The following PRKG1 variants were observed in gnomAD, a reference collection of about 807,000 sequenced individuals.
PRKG1 encodes cGMP-dependent protein kinase 1.
In PRKG1, 35 loss-of-function variants were observed where a neutral mutation model predicts 88.1. That is an observed-to-expected ratio of 0.40 (90% CI 0.30 to 0.53). The LOEUF (loss-of-function observed/expected upper bound fraction) is 0.53, where lower values mean the gene tolerates loss of function less well. Among genes scored for constraint, PRKG1 ranks in the 20% least tolerant of loss-of-function variants. The pLI is 0.59. For missense variants in PRKG1, 540 were observed against 839.8 expected (o/e 0.64, Z 4.41); for synonymous variants, 303 against 292.5 (o/e 1.04, Z -0.37).
intron 7 of PRKG1, among the ~76,000 whole-genome samples, chr10:52,116,776 C>T (rs1422943497): frequency 2.0e-5 from 3 of 152,000 alleles, no homozygotes; most frequent in South Asian, 4.1e-4. Context: ...AGGTTATTTT[C>T]GTGTATTTAC....
chr10:51,735,126 G>A (rs1017557800), intron 3 of PRKG1, among the ~76,000 whole-genome samples: 1 of 152,176 alleles, frequency 6.6e-6, no homozygotes, highest in Non-Finnish European at 1.5e-5. Context: ...TCTGTTAGGG[G>A]ATGGAAATGG....
At chr10:51,999,242 C>A (rs1844532148) in intron 5 of PRKG1, among the ~76,000 whole-genome samples, 1 of 152,198 alleles carries the variant, frequency 6.6e-6, no homozygotes, top group African/African-American at 2.4e-5. Context: ...GTGTCTGCTT[C>A]CAAATACAAG....
intron 9 of PRKG1, among the ~76,000 whole-genome samples, chr10:52,166,793 A>ATATATATATATGTATATATATG (rs1489545159): frequency 3.6e-4 from 3 of 8,386 alleles, no homozygotes; most frequent in Non-Finnish European, 7.4e-4. Flanking sequence ...AAGCCTATAT[A>ATATATATATATGTATATATATG]TATACATATA....
chr10:51,769,790 A>G (rs1838256059), intron 3 of PRKG1, among the ~76,000 whole-genome samples: 1 of 152,208 alleles, frequency 6.6e-6, no homozygotes, highest in Admixed American at 6.6e-5. Flanking sequence ...CCACATTGGA[A>G]GAAGAATTGT....
At chr10:52,054,794 G>A (rs1276389993) in intron 6 of PRKG1, among the ~76,000 whole-genome samples, 1 of 152,062 alleles carries the variant, frequency 6.6e-6, no homozygotes, top group Non-Finnish European at 1.5e-5. Context: ...AGATGACACT[G>A]ATATATTTGT....
At chr10:52,133,707 C>A in intron 7 of PRKG1, 133 bp from the exon 8 acceptor site, 2 of 678,604 alleles carry the variant, frequency 2.9e-6, no homozygotes, top group South Asian at 2.6e-5. Context: ...GAAACATAAA[C>A]AAAGCTTAAG....
chr10:52,225,190 G>T (rs1840361587), intron 9 of PRKG1, among the ~76,000 whole-genome samples: 1 of 151,900 alleles, frequency 6.6e-6, no homozygotes, highest in Non-Finnish European at 1.5e-5. Flanking sequence ...CAGGAGTAAG[G>T]TGGTATTGCA....
At chr10:51,285,017 G>T (rs562960869) in intron 2 of PRKG1, among the ~76,000 whole-genome samples, 1 of 141,770 alleles carries the variant, frequency 7.1e-6, no homozygotes, top group African/African-American at 2.6e-5. Context: ...CTAGCATTAG[G>T]TATATCTCCC....
intron 5 of PRKG1, among the ~76,000 whole-genome samples, chr10:51,946,902 G>T (rs1589445441): frequency 6.6e-6 from 1 of 152,062 alleles, no homozygotes; most frequent in African/African-American, 2.4e-5. Context: ...GGCTGCTCAG[G>T]GGTCAGGGGT....
At chr10:51,936,428 G>A (rs927395357) in intron 5 of PRKG1, among the ~76,000 whole-genome samples, 8 of 152,022 alleles carry the variant, frequency 5.3e-5, no homozygotes, top group African/African-American at 1.9e-4. Context: ...GACAATTAAA[G>A]CTATGCCTGA....
intron 3 of PRKG1, among the ~76,000 whole-genome samples, chr10:51,718,909 GGCCTAA>G (rs141557584): frequency 0.082 from 12,434 of 152,038 alleles, 549 homozygotes; most frequent in South Asian, 0.091. Context: ...CACCTTGGGA[GGCCTAA>G]GCAGGAGAAT....
At chr10:51,190,331 T>C (rs1419069193) in intron 2 of PRKG1, among the ~76,000 whole-genome samples, 2 of 151,902 alleles carry the variant, frequency 1.3e-5, no homozygotes, top group African/African-American at 2.4e-5. Flanking sequence ...AGGTCTATAA[T>C]TGAGCAAACT....
intron 4 of PRKG1, among the ~76,000 whole-genome samples, chr10:51,807,308 C>A (rs563747035): frequency 2.0e-5 from 3 of 152,060 alleles, no homozygotes; most frequent in Non-Finnish European, 2.9e-5. Flanking sequence ...AATGTAGGAA[C>A]CTTGTAAGTG....
intron 3 of PRKG1, among the ~76,000 whole-genome samples, chr10:51,653,028 T>C (rs960798652): frequency 1.3e-5 from 2 of 152,224 alleles, no homozygotes; most frequent in Admixed American, 1.3e-4. Flanking sequence ...ATTCATGTTG[T>C]CACAAATGAC....
At chr10:51,209,011 A>G (rs1308273808) in intron 2 of PRKG1, among the ~76,000 whole-genome samples, 2 of 152,224 alleles carry the variant, frequency 1.3e-5, no homozygotes, top group African/African-American at 4.8e-5. Flanking sequence ...TGATGCAGGC[A>G]GATTTATAAA....
intron 2 of PRKG1, among the ~76,000 whole-genome samples, chr10:51,401,359 T>C (rs1259381830): frequency 6.6e-6 from 1 of 152,186 alleles, no homozygotes; most frequent in East Asian, 1.9e-4. Context: ...AGATGGAGGC[T>C]GATTTGGTTA....
intron 1 of PRKG1, among the ~76,000 whole-genome samples, chr10:50,999,963 A>G (rs7077271): frequency 0.89 from 136,013 of 152,246 alleles, 60,906 homozygotes; most frequent in African/African-American, 0.95. Context: ...AGAAGAGGTA[A>G]GAGGAGCACT....
intron 2 of PRKG1, among the ~76,000 whole-genome samples, chr10:51,195,780 T>C (rs1320867857): frequency 6.6e-6 from 1 of 152,190 alleles, no homozygotes; most frequent in Admixed American, 6.5e-5. Context: ...AAGATAAATA[T>C]GATGATAGTA....
At chr10:51,290,979 G>T (rs994751547) in intron 2 of PRKG1, among the ~76,000 whole-genome samples, 2 of 152,084 alleles carry the variant, frequency 1.3e-5, no homozygotes, top group African/African-American at 4.8e-5. Flanking sequence ...ACTACATGTA[G>T]TTAATATTTT....
Sources: allele counts gnomAD v4.1 joint callset (sites outside exome capture counted in the v4.1 genomes callset), GRCh38; gene constraint gnomAD v4.1.1; transcripts MANE v1.5; gene names NCBI Gene and HGNC (gene_info 2026-07-23, HGNC 2026-07-21).